Variants in RIMS2 observed in about 807,000 individuals in gnomAD.
RIMS2 encodes regulating synaptic membrane exocytosis 2.
Under a neutral mutation model 174.4 loss-of-function variants are expected in RIMS2, and 59 were observed. That is an observed-to-expected ratio of 0.34 (90% CI 0.27 to 0.42). RIMS2 has a LOEUF of 0.42. Ranked by LOEUF, RIMS2 falls within the 10% of genes least tolerant of loss-of-function variation. RIMS2 has a pLI of 1.00. For missense variants in RIMS2, 1,620 were observed against 1,666.3 expected (o/e 0.97, Z 0.48); for synonymous variants, 606 against 572.5 (o/e 1.06, Z -0.84).
rs181038816 is a variant in RIMS2, at chr8:103,545,072, A to C, written c.176+44010A>C. On this transcript the variant is annotated intron_variant, in intron 1 of 23. Coordinates refer to ENST00000504942, the Ensembl canonical transcript of RIMS2. ...GACTGCAATGTCAGAAATAGAATTC[A>C]GAATGTGAATAGGAATGAAGATCAT... Among the ~76,000 whole-genome samples, 15 of 152,384 alleles carry C rather than the reference A, an allele frequency of 9.8e-5. No homozygotes were observed. In the East Asian group the frequency reaches 2.7e-3, roughly 27 times the overall value.
intron 1 of RIMS2, among the ~76,000 whole-genome samples, chr8:103,513,635 G>C (rs1201531751): frequency 3.3e-5 from 5 of 152,138 alleles, no homozygotes; most frequent in Non-Finnish European, 7.3e-5. Context: ...TTTGTTTTCA[G>C]AGCTTTTTGG....
At chr8:103,827,909 A>T (rs1051790152) in intron 3 of RIMS2, among the ~76,000 whole-genome samples, 3 of 152,130 alleles carry the variant, frequency 2.0e-5, no homozygotes, top group Admixed American at 6.5e-5. Flanking sequence ...TCAAAAAAAA[A>T]AAGGTGTGCA....
chr8:104,014,369 C>T, intron 18 of RIMS2, 137 bp from the exon 21 acceptor site: 1 of 522,330 alleles, frequency 1.9e-6, no homozygotes, highest in Non-Finnish European at 3.4e-6. Flanking sequence ...ATATTTTGTC[C>T]AGTTTTCCTA....
intron 1 of RIMS2, among the ~76,000 whole-genome samples, chr8:103,574,420 T>C (rs2093058707): frequency 6.6e-6 from 1 of 152,206 alleles, no homozygotes; most frequent in Non-Finnish European, 1.5e-5. Context: ...CAGACCGATA[T>C]TGTTCACAGC....
Position 103,926,880 on chromosome 8 carries a change from A to G in RIMS2, c.2197-962A>G, listed in dbSNP as rs137916699. 3.4e-3 allele frequency among the ~76,000 whole-genome samples: 512 copies of G among 151,648 alleles called. 2 individuals are homozygous for G. Among genetic ancestry groups the G allele is most frequent in the African/African-American group, 0.011 (477 of 41,510 alleles). ...ACATGAAAACAAAAGTCAGTAAGAG[A>G]AAAGAAATTTGATTTGATTCTGAGA... On this transcript the variant is annotated intron_variant, in intron 10 of 23. Transcript: ENST00000504942.
At chr8:103,974,269 AAC>A (rs1188557903) in intron 15 of RIMS2, among the ~76,000 whole-genome samples, 10 of 152,210 alleles carry the variant, frequency 6.6e-5, no homozygotes, top group Non-Finnish European at 1.5e-4. Context: ...ATTACATATG[AAC>A]AGTTGTTTTT....
At chr8:104,166,614 C>G (rs953893658) in intron 19 of RIMS2, among the ~76,000 whole-genome samples, 2 of 151,952 alleles carry the variant, frequency 1.3e-5, no homozygotes, top group Non-Finnish European at 2.9e-5. Flanking sequence ...AATACAATCT[C>G]TAAGGGTGTC....
chr8:103,698,261 G>A (rs2097130088), intron 2 of RIMS2, among the ~76,000 whole-genome samples: 1 of 152,102 alleles, frequency 6.6e-6, no homozygotes, highest in African/African-American at 2.4e-5. Flanking sequence ...ACATTGGCTA[G>A]AAACTGCAGT....
intron 19 of RIMS2, among the ~76,000 whole-genome samples, chr8:104,212,153 A>G (rs1587519101): frequency 2.6e-5 from 4 of 152,370 alleles, no homozygotes; most frequent in Admixed American, 2.6e-4. Context: ...GGTAATGTCA[A>G]GTAGACAGCT....
intron 1 of RIMS2, among the ~76,000 whole-genome samples, chr8:103,612,966 C>A (rs968127776): frequency 6.6e-6 from 1 of 152,204 alleles, no homozygotes; most frequent in Admixed American, 6.5e-5. Context: ...TGCAAGCACT[C>A]TTGTGGCTAC....
intron 19 of RIMS2, 24 bp from the exon 24 acceptor site, chr8:104,093,447 G>A (rs749179965): frequency 2.4e-5 from 37 of 1,538,190 alleles, no homozygotes; most frequent in African/African-American, 5.5e-5. Context: ...CAACTTCTGC[G>A]TATTTGTCAA....
chr8:103,539,898 C>T (rs1377753901), intron 1 of RIMS2, among the ~76,000 whole-genome samples: 3 of 152,264 alleles, frequency 2.0e-5, no homozygotes, highest in African/African-American at 4.8e-5. Flanking sequence ...AATTTGCATA[C>T]TGGGCCTTGG....
intron 17 of RIMS2, among the ~76,000 whole-genome samples, chr8:103,996,194 ATCTAGGCT>A (rs2095085201): frequency 6.6e-6 from 1 of 151,834 alleles, no homozygotes; most frequent in African/African-American, 2.4e-5. Flanking sequence ...ATGGATAGAG[ATCTAGGCT>A]TCTTACTCTC....
At chr8:104,039,950 T>C (rs1012669944) in intron 19 of RIMS2, among the ~76,000 whole-genome samples, 1 of 151,660 alleles carries the variant, frequency 6.6e-6, no homozygotes, top group African/African-American at 2.4e-5. Context: ...AAAAAATGTG[T>C]TCATATAATA....
intron 1 of RIMS2, among the ~76,000 whole-genome samples, chr8:103,523,386 G>A (rs905529106): frequency 5.9e-5 from 9 of 151,846 alleles, no homozygotes; most frequent in Non-Finnish European, 5.9e-5. Flanking sequence ...AAGTAATTTT[G>A]TGTGTGTGTT....
At chr8:103,965,738 T>A (rs1313688274) in intron 15 of RIMS2, among the ~76,000 whole-genome samples, 2 of 152,124 alleles carry the variant, frequency 1.3e-5, no homozygotes, top group African/African-American at 4.8e-5. Context: ...GGGAAAGTTT[T>A]GAGCTTTTTT....
chr8:103,752,921 T>G (rs1009724371), intron 2 of RIMS2, among the ~76,000 whole-genome samples: 1 of 152,060 alleles, frequency 6.6e-6, no homozygotes, highest in Non-Finnish European at 1.5e-5. Flanking sequence ...TTGAATACCT[T>G]TTATTTCCTT....
rs766805228 is a variant in RIMS2, at chr8:103,652,190, A to G, written c.177-44896A>G. On this transcript the variant is annotated intron_variant, in intron 1 of 23. Coordinates refer to ENST00000504942, the Ensembl canonical transcript of RIMS2. Reference sequence around the variant, plus strand: ...ATAGTACAGTGCACTCAGTTGTGCAAACTTATCTTTTTAGGGTCAAAGAAG... The same window carrying G: ...ATAGTACAGTGCACTCAGTTGTGCAGACTTATCTTTTTAGGGTCAAAGAAG... 2 of 1,341,338 alleles carry G rather than the reference A, an allele frequency of 1.5e-6. No homozygotes were observed. Among genetic ancestry groups the G allele is most frequent in the Non-Finnish European group, 2.0e-6 (2 of 1,012,200 alleles). 83.1% of individuals were successfully genotyped at this position (1,341,338 alleles called of 1,614,324 possible).
intron 2 of RIMS2, among the ~76,000 whole-genome samples, chr8:103,755,469 T>A (rs1789107781): frequency 6.6e-6 from 1 of 152,204 alleles, no homozygotes; most frequent in South Asian, 2.1e-4. Context: ...AATTTGAATA[T>A]TGGCCTGCCT....
Sources: allele counts gnomAD v4.1 joint callset (sites outside exome capture counted in the v4.1 genomes callset), GRCh38; gene constraint gnomAD v4.1.1; transcripts MANE v1.5; gene names NCBI Gene and HGNC (gene_info 2026-07-23, HGNC 2026-07-21).